The following OSBPL5 variants were observed in gnomAD, a reference collection of about 807,000 sequenced individuals.
OSBPL5 encodes the protein oxysterol-binding protein-related protein 5.
A neutral mutation model predicts 111.2 loss-of-function variants in OSBPL5; 71 were observed. That is an observed-to-expected ratio of 0.64 (90% confidence interval 0.53 to 0.78). The LOEUF (loss-of-function observed/expected upper bound fraction) is 0.78. OSBPL5 is among the 30% of genes least tolerant of loss of function. OSBPL5 has a pLI of 0.00. For synonymous variants in OSBPL5, 549 were observed against 513.9 expected (o/e 1.07, Z -0.93); for missense variants, 1,210 against 1,189.3 (o/e 1.02, Z -0.26).
rs141688462 is a variant in OSBPL5, at chr11:3,129,038, G to C, written c.111C>G (p.Asp37Glu). ...CTGGGCTGAGTGGGTAGAGCTCATTGTCTCCGCTGAGGAGCAAGTTCCGGG... is the reference window on the plus strand; with the variant it reads ...CTGGGCTGAGTGGGTAGAGCTCATTCTCTCCGCTGAGGAGCAAGTTCCGGG... ...KLTRNLLLSG[D>E]NELYPLSPGK... The change falls in exon 2 of 22, where the codon GAC (aspartate) becomes GAG (glutamate). Residue 37 changes from aspartate (D) to glutamate (E), a missense_variant. Coordinates refer to ENST00000263650, the MANE Select transcript of OSBPL5 (RefSeq NM_020896.4). The C allele has an allele frequency of 1.9e-6, 3 of 1,587,664 alleles. No individual in the cohort carries two copies. In the African/African-American group the frequency reaches 4.1e-5, roughly 22 times the overall value.
intron 1 of OSBPL5, among the ~76,000 whole-genome samples, chr11:3,163,776 C>A (rs1436236148): frequency 6.6e-6 from 1 of 152,218 alleles, no homozygotes; most frequent in Admixed American, 6.5e-5. Flanking sequence ...AAGACAGACA[C>A]ACGCGGTGCC....
intron 1 of OSBPL5, among the ~76,000 whole-genome samples, chr11:3,155,550 CA>C: frequency 9.6e-6 from 1 of 103,802 alleles, no homozygotes; most frequent in Non-Finnish European, 2.3e-5. Flanking sequence ...CTCTGCCACT[CA>C]CTCACCCCAG....
At chr11:3,133,992 G>T in intron 1 of OSBPL5, among the ~76,000 whole-genome samples, 1 of 151,836 alleles carries the variant, frequency 6.6e-6, no homozygotes, top group East Asian at 1.9e-4. Flanking sequence ...TGGGGGGGGG[G>T]TCACTAGATG....
chr11:3,099,528 C>T (rs1857384057), intron 14 of OSBPL5, among the ~76,000 whole-genome samples: 1 of 152,076 alleles, frequency 6.6e-6, no homozygotes, highest in Admixed American at 6.5e-5. Context: ...CACAACACTA[C>T]TGTAAAAAAG....
intron 17 of OSBPL5, chr11:3,093,293 C>T (rs763567644): frequency 2.8e-5 from 22 of 772,266 alleles, no homozygotes; most frequent in Non-Finnish European, 3.4e-5. Flanking sequence ...GTTGGTCACT[C>T]GCCGGCAGTG....
Position 3,119,928 on chromosome 11 carries a change from A to T in OSBPL5, c.607-297T>A. Reference sequence around the variant, plus strand: ...AAAGGCACATCCAGGATGCCCAATGATGTTCGAATCCCAGAGAAACCATGA... The same window carrying T: ...AAAGGCACATCCAGGATGCCCAATGTTGTTCGAATCCCAGAGAAACCATGA... On this transcript the variant is annotated intron_variant, in intron 6 of 21. Coordinates refer to ENST00000263650, the MANE Select transcript of OSBPL5 (RefSeq NM_020896.4). 3 of 464,888 alleles carry T rather than the reference A, an allele frequency of 6.5e-6. No homozygotes were observed. In the East Asian group the frequency reaches 1.2e-4, roughly 18 times the overall value. The allele number at this position is 464,888 out of a possible 1,614,324, so 28.8% of individuals were successfully genotyped here. A position where few individuals can be genotyped will look rare whatever the true frequency, so the allele number is the denominator to read the frequency against.
intron 17 of OSBPL5, 43 bp from the exon 18 acceptor site, chr11:3,093,095 C>CCGA (rs756318021): frequency 6.8e-7 from 1 of 1,471,894 alleles, no homozygotes; most frequent in Non-Finnish European, 9.0e-7. Context: ...CCCGGGCAGC[C>CCGA]CGACCCCTAG....
At position 3,140,298 on chromosome 11, in the gene OSBPL5, G is replaced by A. The variant is rs987549272; in HGVS notation, c.-21-11129C>T. On this transcript the variant is annotated intron_variant, in intron 1 of 21. Transcript: ENST00000263650. This position sits in a 1 kb window ranked among gnomAD's most constrained non-coding sequence, Gnocchi z 4.5. ...GCTCTCTGTGAAGGGCCAGCATGGT[G>A]CCACCCAGGAGTGACACACACAGCC... Among the ~76,000 whole-genome samples the A allele has an allele frequency of 3.3e-5, 5 of 152,186 alleles. No individual in the cohort carries two copies. The highest frequency in any genetic ancestry group is 7.4e-5 in the Non-Finnish European group (5 of 68,022).
At chr11:3,148,422 C>CCA (rs1035249088) in intron 1 of OSBPL5, among the ~76,000 whole-genome samples, 4 of 152,212 alleles carry the variant, frequency 2.6e-5, no homozygotes, top group African/African-American at 9.6e-5. Flanking sequence ...ACTTTGCCCC[C>CCA]CACACCTTCC....
At position 3,104,357 on chromosome 11, in the gene OSBPL5, C is replaced by T; in HGVS notation, c.1080G>A (p.Val360=). Residue 360 remains valine, a synonymous_variant, in exon 10 of 22, where the codon GTG becomes GTA. Transcript: ENST00000263650. This position sits in a 1 kb window ranked among gnomAD's most constrained non-coding sequence, Gnocchi z 5.0. The stretch of plus-strand genomic sequence containing the variant: ...TCTTGTTCTCCTCTGACACTGTCTC[C>T]ACCTGGGACGCCTCGCCCAGCTGCA... ...ELGELGEASQ[V]ETVSEENKSL... is the part of the protein sequence containing the mutation. The T allele has an allele frequency of 1.9e-6, 3 of 1,611,604 alleles. No homozygotes were observed. The highest frequency in any genetic ancestry group is 2.5e-6 in the Non-Finnish European group (3 of 1,179,768).
chr11:3,090,582 C>A lies in OSBPL5; in HGVS notation c.2374G>T (p.Glu792Ter), dbSNP rs1857021955. Reference protein sequence around the residue: ...PESCPELSDEEQDGDFVPGGE... With the variant: ...PESCPELSDE ...CCAGGGACAAAGTCACCATCCTGCT[C>A]CTCGTCTGAGAGCTCTGGGCAGGAC... The change falls in exon 20 of 22, where the codon GAG (glutamate) becomes TAG (stop). Residue 792 changes from glutamate (E) to a stop codon, truncating the protein, a stop_gained. Coordinates refer to ENST00000263650, the MANE Select transcript of OSBPL5 (RefSeq NM_020896.4). LOFTEE classifies it high-confidence loss of function. The A allele has an allele frequency of 6.2e-7, 1 of 1,612,948 alleles. No homozygotes were observed. The highest frequency in any genetic ancestry group is 1.3e-5 in the African/African-American group (1 of 74,950).
Position 3,154,056 on chromosome 11 carries a change from G to A in OSBPL5, c.-22+11160C>T, listed in dbSNP as rs936639380. On this transcript the variant is annotated intron_variant, in intron 1 of 21. Coordinates refer to ENST00000263650, the MANE Select transcript of OSBPL5 (RefSeq NM_020896.4). This position sits in a 1 kb window ranked among gnomAD's most constrained non-coding sequence, Gnocchi z 4.9. ...GCCCCCAAGGAAGGTCTGTGCCCGG[G>A]AAACACATGGCATTCAAACCGCCGC... 4.6e-5 allele frequency among the ~76,000 whole-genome samples: 7 copies of A among 152,232 alleles called. No homozygotes were observed. The highest frequency in any genetic ancestry group is 1.2e-4 in the African/African-American group (5 of 41,468).
Position 3,146,060 on chromosome 11 carries a change from A to G in OSBPL5, c.-21-16891T>C, listed in dbSNP as rs1846332887. On this transcript the variant is annotated intron_variant, in intron 1 of 21. Transcript: ENST00000263650. This position sits in a 1 kb window ranked among gnomAD's most constrained non-coding sequence, Gnocchi z 7.8. ...GCCCTGCCGGGAGCAAGCCAGACCC[A>G]GGGGCCTTGGCCCCAGGAGCCCACA... 1.3e-5 allele frequency: 2 copies of G among 152,150 alleles called. No individual in the cohort carries two copies. The highest frequency in any genetic ancestry group is 2.4e-5 in the African/African-American group (1 of 41,428). The allele number at this position is 152,150 out of a possible 1,614,324, so 9.4% of individuals were successfully genotyped here. A position where few individuals can be genotyped will look rare whatever the true frequency, so the allele number is the denominator to read the frequency against.
At chr11:3,125,870 T>G (rs1858605022) in intron 3 of OSBPL5, among the ~76,000 whole-genome samples, 1 of 150,748 alleles carries the variant, frequency 6.6e-6, no homozygotes. Flanking sequence ...TAGTCCCAGC[T>G]CCTCGGGAGG....
At chr11:3,150,764 G>A (rs1846553999) in intron 1 of OSBPL5, among the ~76,000 whole-genome samples, 1 of 152,146 alleles carries the variant, frequency 6.6e-6, no homozygotes, top group Non-Finnish European at 1.5e-5. Flanking sequence ...ATTCTCATCT[G>A]TGAAATGAAA....
Position 3,094,264 on chromosome 11 carries a change from G to T in OSBPL5, c.1692C>A (p.Phe564Leu), listed in dbSNP as rs770427335. The T allele has an allele frequency of 6.2e-7, 1 of 1,613,638 alleles. No individual in the cohort carries two copies. Among genetic ancestry groups the T allele is most frequent in the Admixed American group, 1.7e-5 (1 of 60,014 alleles). ...KVTIECAKNN[F>L]QAQLEFKLKP... Reference sequence around the variant, plus strand: ...TGAGTTTGAATTCCAGCTGGGCCTGGAAGTTGTTCTTCGCACACTCGATGG... The same window carrying T: ...TGAGTTTGAATTCCAGCTGGGCCTGTAAGTTGTTCTTCGCACACTCGATGG... Residue 564 changes from phenylalanine to leucine, a missense_variant, in exon 15 of 22, where the codon TTC (phenylalanine) becomes TTA (leucine). By Grantham distance (22) the Phe-to-Leu change is conservative (BLOSUM62 0). Coordinates refer to ENST00000263650, the MANE Select transcript of OSBPL5 (RefSeq NM_020896.4).
chr11:3,164,223 T>G (rs557870304), intron 1 of OSBPL5: 1 of 152,470 alleles, frequency 6.6e-6, no homozygotes, highest in Admixed American at 6.5e-5. Context: ...GGGGAGCAAG[T>G]TGCGAAACGG....
chr11:3,123,682 C>T lies in OSBPL5; in HGVS notation c.220-1254G>A, dbSNP rs575953419. ...CCTTCTCCTGGCTAGAAGCCCTGGG[C>T]GCTGGGGACTGCCCCCACCCCAATC... On this transcript the variant is annotated intron_variant, in intron 3 of 21. Coordinates refer to ENST00000263650, the MANE Select transcript of OSBPL5 (RefSeq NM_020896.4). 1.1e-4 allele frequency among the ~76,000 whole-genome samples: 16 copies of T among 152,360 alleles called. No homozygotes were observed. The South Asian group carries it at 3.1e-3, about 30-fold the overall frequency.
At chr11:3,103,001 T>A (rs1857510185) in intron 11 of OSBPL5, among the ~76,000 whole-genome samples, 1 of 152,130 alleles carries the variant, frequency 6.6e-6, no homozygotes, top group Admixed American at 6.5e-5. Context: ...CTTGGGGCCT[T>A]GAGGGATGAG....
Sources: allele counts gnomAD v4.1 joint callset (sites outside exome capture counted in the v4.1 genomes callset), GRCh38; gene constraint gnomAD v4.1.1; non-coding constraint Gnocchi (gnomAD v3.1); transcripts MANE v1.5; gene names NCBI Gene and HGNC (gene_info 2026-07-23, HGNC 2026-07-21).